The following TMEM150C variants were observed in gnomAD, a reference collection of about 807,000 sequenced individuals.
TMEM150C encodes the protein transmembrane protein 150C.
Under a neutral mutation model 29.9 loss-of-function variants are expected in TMEM150C, and 10 were observed. That is an observed-to-expected ratio of 0.33 (90% CI 0.21 to 0.57). The LOEUF (loss-of-function observed/expected upper bound fraction) is 0.57, where lower values mean the gene tolerates loss of function less well. Ranked by LOEUF, TMEM150C falls within the 20% of genes least tolerant of loss-of-function variation. TMEM150C has a pLI of 0.88. For synonymous variants in TMEM150C, 101 were observed against 112.5 expected (o/e 0.90, Z 0.64); for missense variants, 251 against 303.6 (o/e 0.83, Z 1.29).
At chr4:82,511,759 G>A (rs1041969842) in intron 1 of TMEM150C, among the ~76,000 whole-genome samples, 2 of 151,990 alleles carry the variant, frequency 1.3e-5, no homozygotes, top group Admixed American at 1.3e-4. Flanking sequence ...GAGCCACTGC[G>A]CCTGGCCTGT....
intron 1 of TMEM150C, among the ~76,000 whole-genome samples, chr4:82,544,607 T>C (rs1578153137): frequency 6.6e-6 from 1 of 152,234 alleles, no homozygotes; most frequent in African/African-American, 2.4e-5. Flanking sequence ...GGCAAAACCT[T>C]GTTTGCACAA....
intron 1 of TMEM150C, among the ~76,000 whole-genome samples, chr4:82,524,306 A>G (rs958172680): frequency 2.0e-5 from 3 of 152,126 alleles, no homozygotes; most frequent in African/African-American, 7.2e-5. Flanking sequence ...AGTTTATTTC[A>G]TAAGTATTTT....
chr4:82,514,212 G>A (rs530625383), intron 1 of TMEM150C, among the ~76,000 whole-genome samples: 10 of 152,330 alleles, frequency 6.6e-5, no homozygotes, highest in Middle Eastern at 3.4e-3. Flanking sequence ...CTCTTCTGCC[G>A]GGGCAAGGGG....
intron 1 of TMEM150C, among the ~76,000 whole-genome samples, chr4:82,540,718 A>AAATTGTCAATT (rs1319110458): frequency 6.6e-6 from 1 of 152,204 alleles, no homozygotes; most frequent in East Asian, 1.9e-4. Context: ...GACAAATAAA[A>AAATTGTCAATT]GTTGTATATA....
chr4:82,559,825 A>G (rs1026687937), intron 1 of TMEM150C, among the ~76,000 whole-genome samples: 1 of 152,174 alleles, frequency 6.6e-6, no homozygotes, highest in African/African-American at 2.4e-5. Context: ...TACTGAACTG[A>G]TCCCAAATGG....
chr4:82,555,899 T>G (rs1050638517), intron 1 of TMEM150C, among the ~76,000 whole-genome samples: 1 of 152,224 alleles, frequency 6.6e-6, no homozygotes, highest in Admixed American at 6.5e-5. Flanking sequence ...CTTAGGACAG[T>G]GTTTCCTCAA....
chr4:82,485,778 T>G, intron 7 of TMEM150C, 59 bp from the exon 8 acceptor site: 1 of 1,469,400 alleles, frequency 6.8e-7, no homozygotes, highest in African/African-American at 1.4e-5. Context: ...TGGAATCTTT[T>G]CAGGGCAGAG....
intron 1 of TMEM150C, among the ~76,000 whole-genome samples, chr4:82,523,940 C>T (rs962336125): frequency 2.0e-5 from 3 of 151,750 alleles, no homozygotes; most frequent in African/African-American, 7.3e-5. Context: ...CCTCCGTCTC[C>T]CAAAATGTTG....
chr4:82,561,628 C>T (rs1327737071), intron 1 of TMEM150C, among the ~76,000 whole-genome samples: 4 of 146,196 alleles, frequency 2.7e-5, no homozygotes, highest in African/African-American at 4.9e-5. Context: ...CGCGCCGGCT[C>T]GGGCGTTCGC....
intron 1 of TMEM150C, 77 bp downstream of exon 1, chr4:82,561,829 G>A: frequency 1.0e-6 from 1 of 952,480 alleles, no homozygotes; most frequent in Non-Finnish European, 1.2e-6. Flanking sequence ...CTCCGCCTGC[G>A]GGCTGCGCAC....
At chr4:82,528,629 GTC>G (rs1387676070) in intron 1 of TMEM150C, among the ~76,000 whole-genome samples, 1 of 141,768 alleles carries the variant, frequency 7.1e-6, no homozygotes, top group Non-Finnish European at 1.5e-5. Context: ...TTTAGATGGA[GTC>G]TCTGTCACCG....
chr4:82,546,669 A>G (rs978430590), intron 1 of TMEM150C, among the ~76,000 whole-genome samples: 10 of 152,090 alleles, frequency 6.6e-5, no homozygotes, highest in African/African-American at 2.4e-4. Context: ...TCTACTAAAA[A>G]TACAAAAAAT....
At chr4:82,511,472 A>ATTTTTTTTTTTTT (rs397935719) in intron 1 of TMEM150C, among the ~76,000 whole-genome samples, 8 of 106,356 alleles carry the variant, frequency 7.5e-5, no homozygotes, top group Admixed American at 1.2e-4. Flanking sequence ...TCCCAACACT[A>ATTTTTTTTTTTTT]TTTTTTTTTT....
rs1419951606 is a variant in TMEM150C, at chr4:82,558,370, G to A, written c.-11+3536C>T. On this transcript the variant is annotated intron_variant, in intron 1 of 7. Transcript: ENST00000449862. ...TCCATCAATGCAGAAAGTTCTTTTG[G>A]ACAGCACTGATCTAGAAAAGGCTGT... Among the ~76,000 whole-genome samples the A allele has an allele frequency of 5.9e-5, 9 of 152,228 alleles. No homozygotes were observed. The East Asian group carries it at 1.7e-3, about 29-fold the overall frequency.
intron 5 of TMEM150C, among the ~76,000 whole-genome samples, chr4:82,497,887 G>A (rs4693449): frequency 0.14 from 21,667 of 152,106 alleles, 3,107 homozygotes; most frequent in African/African-American, 0.34. Flanking sequence ...ACTCCATCAC[G>A]AAGTGATCAT....
At chr4:82,531,538 T>C (rs1724845880) in intron 1 of TMEM150C, among the ~76,000 whole-genome samples, 1 of 152,068 alleles carries the variant, frequency 6.6e-6, no homozygotes. Context: ...GTGGATCACC[T>C]GAGGTCAGGA....
chr4:82,541,692 T>C (rs1020752077), intron 1 of TMEM150C, among the ~76,000 whole-genome samples: 9 of 152,204 alleles, frequency 5.9e-5, no homozygotes, highest in African/African-American at 2.2e-4. Flanking sequence ...ACTTAAATAC[T>C]GAATTCCCAC....
intron 1 of TMEM150C, among the ~76,000 whole-genome samples, 182 bp downstream of exon 1, chr4:82,561,724 C>A (rs1306187995): frequency 2.7e-5 from 4 of 147,016 alleles, no homozygotes; most frequent in Non-Finnish European, 4.5e-5. Context: ...GCCCCGCGCC[C>A]GGGACGCTAT....
intron 1 of TMEM150C, among the ~76,000 whole-genome samples, chr4:82,519,914 C>T (rs1028128265): frequency 1.3e-5 from 2 of 152,326 alleles, no homozygotes; most frequent in African/African-American, 2.4e-5. Flanking sequence ...GGACCTCAGT[C>T]GACTATGAGT....
Sources: gnomAD v4.1 joint callset for allele counts (sites outside exome capture counted in the v4.1 genomes callset) on GRCh38, gnomAD v4.1.1 for gene constraint, MANE v1.5 for transcripts, NCBI Gene and HGNC (gene_info 2026-07-23, HGNC 2026-07-21) for gene names.